The following ANKRD27 variants were observed in gnomAD, a reference collection of about 807,000 sequenced individuals.
ANKRD27 encodes ankyrin repeat domain-containing protein 27.
ANKRD27 carries 112 observed loss-of-function variants against 129.7 expected under a neutral mutation model. That is an observed-to-expected ratio of 0.86 (90% CI 0.74 to 1.01). The LOEUF is 1.01. Ranked by LOEUF, ANKRD27 falls within the 50% of genes least tolerant of loss-of-function variation. The pLI is 0.00. For missense variants in ANKRD27, 1,258 were observed against 1,300.5 expected (o/e 0.97, Z 0.50); for synonymous variants, 516 against 511.2 (o/e 1.01, Z -0.13).
In ANKRD27 at chr19:32,598,091, C is replaced by G. The variant is rs1271395744; in HGVS notation, c.*54G>C. The G allele has an allele frequency of 9.2e-6, 14 of 1,520,636 alleles. No homozygotes were observed. Among genetic ancestry groups the G allele is most frequent in the Non-Finnish European group, 1.3e-5 (14 of 1,096,258 alleles). 94.2% of individuals were successfully genotyped at this position (1,520,636 alleles called of 1,614,324 possible). Reference sequence around the variant, plus strand: ...TCTCAGATGTGTTCACGCTCAGCATCATCTTGTTGCATCCTTGCTTCCTAG... The same window carrying G: ...TCTCAGATGTGTTCACGCTCAGCATGATCTTGTTGCATCCTTGCTTCCTAG... On this transcript the variant is annotated 3_prime_UTR_variant, in exon 29 of 29. Coordinates refer to ENST00000306065, the MANE Select transcript of ANKRD27 (RefSeq NM_032139.3).
chr19:32,598,373 C>T lies in ANKRD27; in HGVS notation c.2925G>A (p.Gly975=). Residue 975 remains glycine (G), a synonymous_variant, in exon 29 of 29, where the codon GGG becomes GGA. Coordinates refer to ENST00000306065, the MANE Select transcript of ANKRD27 (RefSeq NM_032139.3). ...TCTGTCTCAGTGTGACACTTTGCCT[C>T]CCTGGCTAAAGAAAAAGTACATTTT... The part of the protein sequence containing the change: ...NLTEGSLHEP[G]RQSVTLRQNN... The T allele has an allele frequency of 6.2e-7, 1 of 1,614,120 alleles. No homozygotes were observed. The highest frequency in any genetic ancestry group is 8.5e-7 in the Non-Finnish European group (1 of 1,180,012).
intron 9 of ANKRD27, 62 bp from the exon 10 acceptor site, chr19:32,642,207 T>TA: frequency 4.9e-6 from 7 of 1,434,800 alleles, no homozygotes; most frequent in South Asian, 4.7e-5. Flanking sequence ...CTGGCCTGGA[T>TA]CTAAGAACAC....
At position 32,599,844 on chromosome 19, in the gene ANKRD27, G is replaced by C. The variant is rs889135258; in HGVS notation, c.2847-68C>G. ...CATGAAACACTCTGGTTGGCCACAA[G>C]GTGGCAGCATTTTTGACATTAGTAG... On this transcript the variant is annotated intron_variant, in intron 27 of 28. Coordinates refer to ENST00000306065, the MANE Select transcript of ANKRD27 (RefSeq NM_032139.3). The C allele has an allele frequency of 3.2e-5, 50 of 1,563,600 alleles. No homozygotes were observed. In the Middle Eastern group the frequency reaches 8.4e-4, roughly 26 times the overall value.
At position 32,643,195 on chromosome 19, in the gene ANKRD27, G is replaced by A. The variant is rs1352948586; in HGVS notation, c.710C>T (p.Ala237Val). The A allele has an allele frequency of 2.5e-6, 4 of 1,613,924 alleles. No individual in the cohort carries two copies. The highest frequency in any genetic ancestry group is 3.3e-5 in the Admixed American group (2 of 59,990). The change falls in exon 9 of 29, where the codon GCG becomes GTG. Residue 237 changes from alanine (A) to valine (V), a missense_variant. Transcript: ENST00000306065. ...YVGTMEASED[A>V]AFNKITRSLQ... The stretch of plus-strand genomic sequence containing the variant: ...GCTTCTTGTGATTTTGTTAAAGGCC[G>A]CATCCTAACAACAGATTTTAACGAA...
At chr19:32,600,516 G>A (rs1431356135) in intron 26 of ANKRD27, among the ~76,000 whole-genome samples, 1 of 152,150 alleles carries the variant, frequency 6.6e-6, no homozygotes, top group Non-Finnish European at 1.5e-5. Flanking sequence ...ACTCCAGCCT[G>A]GGCGACAGAG....
chr19:32,623,084 G>A (rs574766936), intron 17 of ANKRD27, among the ~76,000 whole-genome samples: 4 of 151,970 alleles, frequency 2.6e-5, no homozygotes, highest in South Asian at 2.1e-4. Context: ...GAGCCACTGC[G>A]CTCAGCCAGG....
rs371674530 is a variant in ANKRD27 at position 32,626,314 on chromosome 19, C to T, written c.1537-348G>A. Among the ~76,000 whole-genome samples the T allele has an allele frequency of 7.2e-5, 11 of 152,240 alleles. No individual in the cohort carries two copies. In the South Asian group the frequency reaches 2.3e-3, roughly 32 times the overall value. On this transcript the variant is annotated intron_variant, in intron 16 of 28. Transcript: ENST00000306065. ...TCTCAAGTTGCTGGGACTATAGGCA[C>T]ACACCATCATGCCCAGATAATTTTA...
At position 32,607,676 on chromosome 19, in the gene ANKRD27, C is replaced by T; in HGVS notation, c.2332G>A (p.Ala778Thr). Residue 778 changes from alanine to threonine, a missense_variant, in exon 23 of 29, where the codon GCC becomes ACC. By Grantham distance (58) the Ala-to-Thr change is moderately conservative. Coordinates refer to ENST00000306065, the MANE Select transcript of ANKRD27 (RefSeq NM_032139.3). ...ANAGARNADQ[A>T]VPLHLACQQG... ...TGGCAGGCCAGGTGGAGCGGGACGGCTTGGTCTGCGTTCCTGGCACCTGCG... is the reference window on the plus strand; with the variant it reads ...TGGCAGGCCAGGTGGAGCGGGACGGTTTGGTCTGCGTTCCTGGCACCTGCG... 6.2e-7 allele frequency: 1 copy of T among 1,612,224 alleles called. No individual in the cohort carries two copies. Among genetic ancestry groups the T allele is most frequent in the Non-Finnish European group, 8.5e-7 (1 of 1,179,658 alleles).
chr19:32,605,413 A>AAGTCCAC (rs1314396880), intron 24 of ANKRD27, among the ~76,000 whole-genome samples: 1 of 152,196 alleles, frequency 6.6e-6, no homozygotes, highest in Non-Finnish European at 1.5e-5. Flanking sequence ...CATTTGTCAA[A>AAGTCCAC]AGTCCACCAT....
Position 32,658,395 on chromosome 19 carries a change from G to T in ANKRD27, c.102+519C>A, listed in dbSNP as rs118090667. ...TGCTTCTCATTCCTGTTACCTGGCT[G>T]CCCCTGAAGGCTTCTGAGGTTGTGG... On this transcript the variant is annotated intron_variant, in intron 2 of 28. Transcript: ENST00000306065. Among the ~76,000 whole-genome samples, 1,398 of 151,876 alleles carry T rather than the reference G, an allele frequency of 9.2e-3. 10 individuals are homozygous for T. The highest frequency in any genetic ancestry group is 0.02 in the Middle Eastern group (6 of 294).
chr19:32,621,794 C>T (rs1972013619), intron 18 of ANKRD27, among the ~76,000 whole-genome samples: 1 of 152,094 alleles, frequency 6.6e-6, no homozygotes, highest in African/African-American at 2.4e-5. Context: ...GGGCCCTGTG[C>T]TCCCCCTGGT....
chr19:32,659,414 A>G (rs1387539708), intron 1 of ANKRD27, among the ~76,000 whole-genome samples: 1 of 152,096 alleles, frequency 6.6e-6, no homozygotes, highest in Non-Finnish European at 1.5e-5. Context: ...GTATCCTCCA[A>G]ATAAAAAAGG....
At chr19:32,660,743 T>TA (rs1967628727) in intron 1 of ANKRD27, among the ~76,000 whole-genome samples, 1 of 152,134 alleles carries the variant, frequency 6.6e-6, no homozygotes, top group East Asian at 1.9e-4. Context: ...TCTATGAGTA[T>TA]AAAGCCATAT....
chr19:32,625,544 C>G (rs1972076001), intron 17 of ANKRD27, among the ~76,000 whole-genome samples: 1 of 151,718 alleles, frequency 6.6e-6, no homozygotes, highest in African/African-American at 2.4e-5. Context: ...GATTCTCATG[C>G]CTCAGACTCC....
chr19:32,602,546 C>T (rs1465920357), intron 25 of ANKRD27, among the ~76,000 whole-genome samples: 1 of 152,054 alleles, frequency 6.6e-6, no homozygotes, highest in East Asian at 1.9e-4. Context: ...ATTGCTTGAG[C>T]CCAGGTGTTC....
chr19:32,666,857 C>T (rs893186502), intron 1 of ANKRD27, among the ~76,000 whole-genome samples: 4 of 151,792 alleles, frequency 2.6e-5, no homozygotes, highest in Admixed American at 6.6e-5. Context: ...ATGATGGCCA[C>T]GCTGGTCTCA....
intron 2 of ANKRD27, among the ~76,000 whole-genome samples, chr19:32,654,829 T>A (rs1403427591): frequency 1.3e-5 from 2 of 152,182 alleles, no homozygotes; most frequent in Non-Finnish European, 2.9e-5. Context: ...TCACCTGGGC[T>A]GGAGTGCAGT....
intron 17 of ANKRD27, 26 bp from the exon 18 acceptor site, chr19:32,622,645 C>A: frequency 6.2e-7 from 1 of 1,610,986 alleles, no homozygotes; most frequent in Middle Eastern, 2.0e-4. Flanking sequence ...GAAATGGCAT[C>A]GCTCATGGAT....
chr19:32,653,208 A>G (rs776503708), intron 2 of ANKRD27, among the ~76,000 whole-genome samples: 7 of 152,088 alleles, frequency 4.6e-5, no homozygotes, highest in Non-Finnish European at 1.5e-5. Context: ...TCTATACTAA[A>G]TAAATTCTGA....
Sources: allele counts gnomAD v4.1 joint callset (sites outside exome capture counted in the v4.1 genomes callset), GRCh38; gene constraint gnomAD v4.1.1; transcripts MANE v1.5; gene names NCBI Gene and HGNC (gene_info 2026-07-23, HGNC 2026-07-21).